The following NPTN variants were observed in gnomAD, a reference collection of about 807,000 sequenced individuals.
NPTN encodes neuroplastin, also known as SDR-1.
NPTN carries 5 observed loss-of-function variants against 42.7 expected under a neutral mutation model. The ratio of observed to expected loss-of-function variants is 0.12; its 90% confidence interval spans 0.06 to 0.25. The LOEUF (loss-of-function observed/expected upper bound fraction) is 0.25, where lower values mean the gene tolerates loss of function less well. NPTN is among the 10% of genes least tolerant of loss of function. The pLI, the probability that NPTN is intolerant of heterozygous loss-of-function variation, is 1.00. For missense variants in NPTN, 307 were observed against 525.4 expected (o/e 0.58, Z 4.06); for synonymous variants, 180 against 201.9 (o/e 0.89, Z 0.92).
chr15:73,611,450 G>C (rs1897576280), intron 1 of NPTN, among the ~76,000 whole-genome samples: 1 of 152,032 alleles, frequency 6.6e-6, no homozygotes, highest in South Asian at 2.1e-4. Flanking sequence ...GAAAAGCCAA[G>C]GAGAGACCTT....
intron 1 of NPTN, among the ~76,000 whole-genome samples, chr15:73,624,948 CTA>C (rs1227299828): frequency 1.3e-5 from 2 of 152,120 alleles, no homozygotes; most frequent in African/African-American, 2.4e-5. Flanking sequence ...AAAAAAATCG[CTA>C]TATATAATGG....
chr15:73,565,842 TCCC>T (rs1894961974), intron 6 of NPTN: 4 of 454,610 alleles, frequency 8.8e-6, no homozygotes, highest in South Asian at 6.2e-5. Flanking sequence ...CAGCCCTCAC[TCCC>T]CCTATATCCG....
At chr15:73,567,023 T>C in intron 6 of NPTN, 1 of 752,900 alleles carries the variant, frequency 1.3e-6, no homozygotes, top group East Asian at 1.6e-4. Flanking sequence ...TTTTTTTTTT[T>C]AAAGGAAGCA....
At chr15:73,581,975 C>T (rs1382358841) in intron 4 of NPTN, among the ~76,000 whole-genome samples, 1 of 152,148 alleles carries the variant, frequency 6.6e-6, no homozygotes, top group African/African-American at 2.4e-5. Context: ...GCTGGGACCA[C>T]AGGCGTGCAC....
rs1225210320 is a variant in NPTN, at chr15:73,570,009, G to A, written c.1114+141C>T. ...AAAATAAAAAACTCTTACGGGTAGG[G>A]GGTTAGGAACTGGTATAAGAATTTT... On this transcript the variant is annotated intron_variant, in intron 6 of 8. Transcript: ENST00000345330. This position sits in a 1 kb window ranked among gnomAD's most constrained non-coding sequence, Gnocchi z 4.0. 2 of 744,182 alleles carry A rather than the reference G, an allele frequency of 2.7e-6. No homozygotes were observed. The highest frequency in any genetic ancestry group is 3.9e-6 in the Non-Finnish European group (2 of 511,698). 46.1% of individuals were successfully genotyped at this position (744,182 alleles called of 1,614,324 possible).
intron 4 of NPTN, among the ~76,000 whole-genome samples, 192 bp from the exon 5 acceptor site, chr15:73,573,987 C>T (rs957919285): frequency 6.6e-6 from 1 of 152,204 alleles, no homozygotes; most frequent in Non-Finnish European, 1.5e-5. Context: ...ACCCCCCACC[C>T]GCTAAAGATG....
intron 4 of NPTN, among the ~76,000 whole-genome samples, chr15:73,583,189 G>A (rs1896142887): frequency 6.6e-6 from 1 of 152,228 alleles, no homozygotes; most frequent in East Asian, 1.9e-4. Context: ...CTGAGACCCA[G>A]AGAAGGGAAG....
chr15:73,631,603 AT>A (rs1159517356), intron 1 of NPTN, among the ~76,000 whole-genome samples: 1 of 152,200 alleles, frequency 6.6e-6, no homozygotes, highest in East Asian at 1.9e-4. Flanking sequence ...TCTATCACTG[AT>A]TTTTTAAAAT....
rs576257273 is a variant in NPTN, at chr15:73,578,460, T to C, written c.707-4665A>G. Among the ~76,000 whole-genome samples the C allele has an allele frequency of 5.9e-5, 9 of 152,200 alleles. No individual in the cohort carries two copies. The East Asian group carries it at 1.5e-3, about 26-fold the overall frequency. On this transcript the variant is annotated intron_variant, in intron 4 of 8. Transcript: ENST00000345330. Reference sequence around the variant, plus strand: ...TTGAGTTAACATATTTGCTAATAGATTGAATGTGGACTGTGAGAAGAAAAG... The same window carrying C: ...TTGAGTTAACATATTTGCTAATAGACTGAATGTGGACTGTGAGAAGAAAAG...
At chr15:73,610,274 G>A (rs1194815643) in intron 1 of NPTN, among the ~76,000 whole-genome samples, 3 of 151,990 alleles carry the variant, frequency 2.0e-5, no homozygotes, top group Non-Finnish European at 2.9e-5. Context: ...TTTTTGTAGA[G>A]ATGAGGGTCT....
intron 1 of NPTN, among the ~76,000 whole-genome samples, chr15:73,617,194 A>G (rs1897904265): frequency 6.6e-6 from 1 of 152,242 alleles, no homozygotes; most frequent in South Asian, 2.1e-4. Context: ...ATGCCTACAT[A>G]AACCAAGCTT....
intron 1 of NPTN, among the ~76,000 whole-genome samples, chr15:73,607,162 C>T (rs1897330072): frequency 6.6e-6 from 1 of 152,156 alleles, no homozygotes; most frequent in Non-Finnish European, 1.5e-5. Flanking sequence ...GTGGTCTGGT[C>T]CCTACATCTA....
In NPTN at chr15:73,569,471, C is replaced by G; in HGVS notation, c.1114+679G>C. The G allele has an allele frequency of 3.0e-6, 3 of 985,454 alleles. No homozygotes were observed. The highest frequency in any genetic ancestry group is 2.4e-6 in the Non-Finnish European group (2 of 829,938). 61.0% of individuals were successfully genotyped at this position (985,454 alleles called of 1,614,324 possible). ...GGGCACAGCCTCGGGGCATGGACTC[C>G]ATTTGTTCCGCCTTTGCTATCTCTG... is the stretch of plus-strand genomic sequence containing the variant. On this transcript the variant is annotated intron_variant, in intron 6 of 8. Coordinates refer to ENST00000345330, the MANE Select transcript of NPTN (RefSeq NM_012428.4). The surrounding 1 kb of genome is among the most constrained non-coding windows in gnomAD (Gnocchi z 4.1).
intron 2 of NPTN, among the ~76,000 whole-genome samples, chr15:73,595,005 A>G (rs1896767972): frequency 2.0e-5 from 3 of 152,274 alleles, no homozygotes; most frequent in Admixed American, 2.0e-4. Context: ...GGCTCTCCAA[A>G]ACAGCTAACT....
intron 4 of NPTN, among the ~76,000 whole-genome samples, chr15:73,580,459 CA>C: frequency 8.0e-6 from 1 of 125,568 alleles, no homozygotes. Context: ...TGTATATATA[CA>C]AAATATATTT....
At chr15:73,587,742 T>C (rs1256461257) in intron 3 of NPTN, 124 bp from the exon 4 acceptor site, 8 of 678,078 alleles carry the variant, frequency 1.2e-5, no homozygotes, top group Admixed American at 5.3e-5. Flanking sequence ...CTCACCTCCT[T>C]CTAACTAAAA....
chr15:73,613,930 C>T (rs1030464188), intron 1 of NPTN, among the ~76,000 whole-genome samples: 1 of 152,102 alleles, frequency 6.6e-6, no homozygotes, highest in African/African-American at 2.4e-5. Flanking sequence ...GAGTGATCTG[C>T]CTGCCTCAGC....
At chr15:73,566,825 T>C (rs1427284686) in intron 6 of NPTN, among the ~76,000 whole-genome samples, 3 of 152,174 alleles carry the variant, frequency 2.0e-5, no homozygotes, top group African/African-American at 4.8e-5. Context: ...CATGATTCAC[T>C]TGTTCCTGAA....
chr15:73,592,812 A>G (rs781553511), intron 2 of NPTN, among the ~76,000 whole-genome samples: 25 of 152,204 alleles, frequency 1.6e-4, no homozygotes, highest in Non-Finnish European at 3.1e-4. Flanking sequence ...ATTGCACTTT[A>G]AAACACATTC....
Sources: gnomAD v4.1 joint callset for allele counts (sites outside exome capture counted in the v4.1 genomes callset) on GRCh38, gnomAD v4.1.1 for gene constraint, Gnocchi (gnomAD v3.1) non-coding constraint, MANE v1.5 for transcripts, NCBI Gene and HGNC (gene_info 2026-07-23, HGNC 2026-07-21) for gene names.